EIF4G1: variants seen among roughly 807,000 people sequenced by gnomAD.
The protein encoded by EIF4G1 is eukaryotic translation initiation factor 4 gamma 1.
EIF4G1 carries 4 observed loss-of-function variants against 187.8 expected under a neutral mutation model. That is an observed-to-expected ratio of 0.02 (90% CI 0.01 to 0.05). The LOEUF is 0.05. Ranked by LOEUF, EIF4G1 falls within the 10% of genes least tolerant of loss-of-function variation. The pLI is 1.00. For missense variants in EIF4G1, 1,647 were observed against 2,081.1 expected (o/e 0.79, Z 4.06); for synonymous variants, 844 against 781.4 (o/e 1.08, Z -1.34).
rs765555046 is a variant in EIF4G1 at position 184,324,346 on chromosome 3, C to T, written c.2618C>T (p.Thr873Met). 6.2e-6 allele frequency: 10 copies of T among 1,614,178 alleles called. No individual in the cohort carries two copies. The highest frequency in any genetic ancestry group is 2.2e-5 in the East Asian group (1 of 44,888). ...KKQKEMDEAA[T>M]AEERGRLKEE... ...CAAAAAGAGATGGATGAAGCTGCTA[C>T]GGTGAGAGAAAACCCACTATCGATT... Residue 873 changes from threonine to methionine, a missense_variant and splice_region_variant, in exon 17 of 33, where the codon ACG becomes ATG. By Grantham distance (81) the Thr-to-Met change is moderately conservative. Transcript: ENST00000346169.
chr3:184,319,463 G>T (rs1166260646), intron 6 of EIF4G1, among the ~76,000 whole-genome samples: 3 of 13,638 alleles, frequency 2.2e-4, no homozygotes, highest in South Asian at 2.8e-3. Context: ...GTGTGTGTGT[G>T]TGTTTGTGTG....
chr3:184,319,662 A>T, intron 6 of EIF4G1, 27 bp from the exon 7 acceptor site: 1 of 1,423,870 alleles, frequency 7.0e-7, no homozygotes. Flanking sequence ...CGCTACCACC[A>T]TTCTTCTCCG....
chr3:184,320,553 A>C (rs1723720504), intron 7 of EIF4G1, 77 bp from the exon 8 acceptor site: 5 of 1,611,570 alleles, frequency 3.1e-6, no homozygotes, highest in Non-Finnish European at 4.2e-6. Context: ...GAGTTGGCCC[A>C]GAGTCTTAAG....
At chr3:184,332,350 T>C (rs2108523225) in intron 32 of EIF4G1, among the ~76,000 whole-genome samples, 1 of 152,328 alleles carries the variant, frequency 6.6e-6, no homozygotes, top group East Asian at 1.9e-4. Context: ...TGATAAATGA[T>C]AGGATCTTCC....
chr3:184,319,382 C>A (rs1036852487), intron 6 of EIF4G1: 11 of 437,878 alleles, frequency 2.5e-5, no homozygotes, highest in South Asian at 2.2e-4. Flanking sequence ...CATAAGTCCT[C>A]CTGGTCACTG....
In EIF4G1 at chr3:184,315,543, G is replaced by A. The variant is rs1413808580; in HGVS notation, c.-37G>A. 3 of 746,152 alleles carry A rather than the reference G, an allele frequency of 4.0e-6. No homozygotes were observed. The highest frequency in any genetic ancestry group is 3.4e-5 in the African/African-American group (2 of 58,616). 46.2% of individuals were successfully genotyped at this position (746,152 alleles called of 1,614,324 possible). ...CACCGTGGACTTGTTCTTAATCGAG[G>A]GGGTGAGTGAGGGGTCTGTTTCAGT... On this transcript the variant is annotated splice_region_variant and 5_prime_UTR_variant, in exon 2 of 33. Transcript: ENST00000346169.
At chr3:184,329,576 C>A (rs566081301) in intron 28 of EIF4G1, among the ~76,000 whole-genome samples, 1 of 152,040 alleles carries the variant, frequency 6.6e-6, no homozygotes, top group Non-Finnish European at 1.5e-5. Context: ...AGCAGTGAGC[C>A]GAGATTGTGC....
At position 184,328,931 on chromosome 3, in the gene EIF4G1, C is replaced by T. The variant is rs763197932; in HGVS notation, c.4102C>T (p.Pro1368Ser). Residue 1368 changes from proline (P) to serine (S), a missense_variant, in exon 28 of 33, where the codon CCG becomes TCG. Coordinates refer to ENST00000346169, the MANE Select transcript of EIF4G1 (RefSeq NM_198241.3). ...TAGGGAGATTACAAAGCCTCTGAGA[C>T]CGTTGGGCAAAGCTGCTTCCCTGTT... ...LFREITKPLR[P>S]LGKAASLLLE... 11 of 1,614,016 alleles carry T rather than the reference C, an allele frequency of 6.8e-6. No homozygotes were observed. In the Admixed American group the frequency reaches 1.8e-4, roughly 27 times the overall value.
chr3:184,332,733 A>G (rs764196371), intron 32 of EIF4G1, among the ~76,000 whole-genome samples: 24 of 152,134 alleles, frequency 1.6e-4, no homozygotes, highest in Non-Finnish European at 3.4e-4. Context: ...CGAAGGCACT[A>G]TGTGTGTTCT....
chr3:184,328,843 A>G (rs1645688128), intron 27 of EIF4G1, 66 bp from the exon 28 acceptor site: 1 of 1,613,906 alleles, frequency 6.2e-7, no homozygotes, highest in Admixed American at 1.7e-5. Context: ...CCTGGTTTGG[A>G]GGGAGATGGA....
At chr3:184,326,848 A>G (rs1359164856) in intron 22 of EIF4G1, 33 bp from the exon 23 acceptor site, 9 of 1,613,470 alleles carry the variant, frequency 5.6e-6, no homozygotes, top group South Asian at 1.1e-5. Context: ...GAAAGGAGAA[A>G]AAGATTTTAA....
At chr3:184,322,209 A>C in intron 10 of EIF4G1, 106 bp downstream of exon 10, 1 of 1,578,466 alleles carries the variant, frequency 6.3e-7, no homozygotes, top group Non-Finnish European at 8.7e-7. Context: ...CCTGCAATGG[A>C]ATCTAAGAAC....
chr3:184,334,362 G>GAT lies in EIF4G1; in HGVS notation c.4619-357_4619-356dup, dbSNP rs979534054. Among the ~76,000 whole-genome samples the GAT allele has an allele frequency of 1.3e-5, 2 of 152,158 alleles. No individual in the cohort carries two copies. Among genetic ancestry groups the GAT allele is most frequent in the Non-Finnish European group, 2.9e-5 (2 of 68,046 alleles). On this transcript the variant is annotated intron_variant, in intron 32 of 32. Coordinates refer to ENST00000346169, the MANE Select transcript of EIF4G1 (RefSeq NM_198241.3). This position sits in a 1 kb window ranked among gnomAD's most constrained non-coding sequence, Gnocchi z 5.8. ...CAGTGAATGTTCAGGTTACATGTAGGATATATATAGGACTTTATGTATGAT... is the reference window on the plus strand; with the variant it reads ...CAGTGAATGTTCAGGTTACATGTAGGATATATATATAGGACTTTATGTATGAT...
rs957759018 is a variant in EIF4G1 at position 184,325,918 on chromosome 3, C to G, written c.3189C>G (p.Pro1063=). Residue 1063 remains proline, a synonymous_variant, in exon 21 of 33, where the codon CCC becomes CCG. Coordinates refer to ENST00000346169, the MANE Select transcript of EIF4G1 (RefSeq NM_198241.3). The surrounding 1 kb of genome is among the most constrained non-coding windows in gnomAD (Gnocchi z 5.2). ...TTCCCATCAGCAAAGGTAGCCGCCC[C>G]ATTGACACCTCACGACTCACCAAGA... ...NTVPISKGSR[P]IDTSRLTKIT... 1.9e-6 allele frequency: 3 copies of G among 1,614,002 alleles called. No individual in the cohort carries two copies. The highest frequency in any genetic ancestry group is 3.3e-5 in the Admixed American group (2 of 59,992).
intron 32 of EIF4G1, 28 bp downstream of exon 32, chr3:184,332,114 TG>T: frequency 6.2e-7 from 1 of 1,613,324 alleles, no homozygotes; most frequent in Non-Finnish European, 8.5e-7. Context: ...GGGACAGGGG[TG>T]GGGTGGAGGG....
At position 184,314,686 on chromosome 3, in the gene EIF4G1, A is replaced by G. The variant is rs1323651441; in HGVS notation, c.-92+12A>G. 1 of 151,412 alleles carries G rather than the reference A, an allele frequency of 6.6e-6. No individual in the cohort carries two copies. The highest frequency in any genetic ancestry group is 1.5e-5 in the Non-Finnish European group (1 of 67,760). 9.4% of individuals were successfully genotyped at this position (151,412 alleles called of 1,614,324 possible). A position where few individuals can be genotyped will look rare whatever the true frequency, so the allele number is the denominator to read the frequency against. ...GAAGGAGACTGAAGGTAAAGCCGCC[A>G]TGTCCGGGCCCGACCCGGCCCCCCC... On this transcript the variant is annotated intron_variant, in intron 1 of 32. Coordinates refer to ENST00000346169, the MANE Select transcript of EIF4G1 (RefSeq NM_198241.3).
intron 28 of EIF4G1, among the ~76,000 whole-genome samples, chr3:184,329,707 T>C (rs1224870711): frequency 2.0e-5 from 3 of 152,208 alleles, no homozygotes; most frequent in African/African-American, 7.2e-5. Flanking sequence ...GAGTGGAGTA[T>C]CTTAAGTACT....
rs1256218014 is a variant in EIF4G1, at chr3:184,324,913, A to G, written c.2655A>G (p.Glu885=). 1.9e-6 allele frequency: 3 copies of G among 1,614,098 alleles called. No individual in the cohort carries two copies. Among genetic ancestry groups the G allele is most frequent in the Non-Finnish European group, 2.5e-6 (3 of 1,180,056 alleles). ...GAGGACGCCTGAAGGAAGAGCTGGA[A>G]GAGGCTCGGGACATAGCCCGGCGGC... The part of the protein sequence containing the change: ...EERGRLKEEL[E]EARDIARRRS... Residue 885 remains glutamate (E), a synonymous_variant, in exon 18 of 33, where the codon GAA becomes GAG. Transcript: ENST00000346169.
At position 184,323,561 on chromosome 3, in the gene EIF4G1, G is replaced by C; in HGVS notation, c.2242G>C (p.Gly748Arg). 6.2e-7 allele frequency: 1 copy of C among 1,614,150 alleles called. No homozygotes were observed. The highest frequency in any genetic ancestry group is 8.5e-7 in the Non-Finnish European group (1 of 1,180,036). The change falls in exon 15 of 33, where the codon GGG (glycine) becomes CGG (arginine). Residue 748 changes from glycine to arginine, a missense_variant. This residue lies in a region of EIF4G1 where 140 missense variants were observed against 222.2 expected (regional missense o/e 0.63). Coordinates refer to ENST00000346169, the MANE Select transcript of EIF4G1 (RefSeq NM_198241.3). The surrounding 1 kb of genome is among the most constrained non-coding windows in gnomAD (Gnocchi z 6.9). Reference protein sequence around the residue: ...SKRTAADKDRGEEDADGSKTQ... With the variant: ...SKRTAADKDRREEDADGSKTQ... ...GCGGACGGCGGCTGATAAGGATCGA[G>C]GGGAAGAAGATGCTGATGGCAGCAA...
Sources: allele counts gnomAD v4.1 joint callset (sites outside exome capture counted in the v4.1 genomes callset), GRCh38; gene constraint gnomAD v4.1.1; regional missense constraint gnomAD v4.1.1; non-coding constraint Gnocchi (gnomAD v3.1); transcripts MANE v1.5; gene names NCBI Gene and HGNC (gene_info 2026-07-23, HGNC 2026-07-21).